Variants in GPX3 observed in about 807,000 individuals in gnomAD.
The protein encoded by GPX3 is GPx-3.
A neutral mutation model predicts 25.1 loss-of-function variants in GPX3; 22 were observed. The observed-to-expected ratio is 0.88, with a 90% CI of 0.63 to 1.25. GPX3 has a LOEUF of 1.25. Among genes scored for constraint, GPX3 ranks in the 50% most tolerant of loss-of-function variants. The pLI is 0.00. For synonymous variants in GPX3, 110 were observed against 114.5 expected, an observed-to-expected ratio of 0.96 and a Z score of 0.25; for missense variants, 278 against 286.6, an observed-to-expected ratio of 0.97 and a Z score of 0.22.
Position 151,027,966 on chromosome 5 carries a change from C to T in GPX3, c.517C>T (p.Pro173Ser), listed in dbSNP as rs184186742. 1.2e-4 allele frequency: 188 copies of T among 1,614,212 alleles called. No individual in the cohort carries two copies. Among genetic ancestry groups the T allele is most frequent in the Non-Finnish European group, 2.7e-5 (32 of 1,180,028 alleles). The change falls in exon 5 of 5, where the codon CCC becomes TCC. Residue 173 changes from proline to serine, a missense_variant. By Grantham distance (74) the Pro-to-Ser change is moderately conservative (BLOSUM62 -1). Coordinates refer to ENST00000388825, the MANE Select transcript of GPX3 (RefSeq NM_002084.5). ...TACATCTGACCGCCTCTTCTGGGAACCCATGAAGGTTCACGACATCCGCTG... is the reference window on the plus strand; with the variant it reads ...TACATCTGACCGCCTCTTCTGGGAATCCATGAAGGTTCACGACATCCGCTG... ...LGTSDRLFWE[P>S]MKVHDIRWNF...
chr5:151,021,007 G>A, intron 1 of GPX3: 3 of 486,078 alleles, frequency 6.2e-6, no homozygotes, highest in Non-Finnish European at 1.1e-5. Context: ...CTCTCTCCCC[G>A]AGCTCGCACT....
chr5:151,025,653 A>C (rs1462299627), intron 2 of GPX3, among the ~76,000 whole-genome samples, 160 bp downstream of exon 2: 1 of 152,210 alleles, frequency 6.6e-6, no homozygotes, highest in South Asian at 2.1e-4. Flanking sequence ...GAAGATGATT[A>C]TATAAGCCTG....
At chr5:151,020,803 C>A in intron 1 of GPX3, 62 bp downstream of exon 1, 1 of 1,402,360 alleles carries the variant, frequency 7.1e-7, no homozygotes, top group Non-Finnish European at 1.0e-6. Context: ...GTCCAGCGCT[C>A]AGTGCAATGC....
rs762988524 is a variant in GPX3, at chr5:151,028,160, T to C, written c.*30T>C. The C allele has an allele frequency of 4.6e-6, 7 of 1,531,940 alleles. No homozygotes were observed. Among genetic ancestry groups the C allele is most frequent in the Admixed American group, 2.0e-5 (1 of 51,038 alleles). 94.9% of individuals were successfully genotyped at this position (1,531,940 alleles called of 1,614,324 possible). A position where few individuals can be genotyped will look rare whatever the true frequency, so the allele number is the denominator to read the frequency against. Reference sequence around the variant, plus strand: ...AGGCCGTCTCATCCCATGTCCACCATGTAGGGGAGGGACTTTGTTCAGGAA... The same window carrying C: ...AGGCCGTCTCATCCCATGTCCACCACGTAGGGGAGGGACTTTGTTCAGGAA... On this transcript the variant is annotated 3_prime_UTR_variant, in exon 5 of 5. Coordinates refer to ENST00000388825, the MANE Select transcript of GPX3 (RefSeq NM_002084.5).
At position 151,020,636 on chromosome 5, in the gene GPX3, A is replaced by G. The variant is rs953006098; in HGVS notation, c.-19A>G. 1.3e-6 allele frequency: 2 copies of G among 1,598,000 alleles called. No individual in the cohort carries two copies. Among genetic ancestry groups the G allele is most frequent in the Non-Finnish European group, 1.7e-6 (2 of 1,173,372 alleles). On this transcript the variant is annotated 5_prime_UTR_variant, in exon 1 of 5. Transcript: ENST00000388825. ...TCAGGCAGCGGCTCAGGCGACCCTG[A>G]GTGTGCCCCCACCCCGCCATGGCCC...
In GPX3 at chr5:151,028,499, A is replaced by C. The variant is rs749059886; in HGVS notation, c.*369A>C. 4.0e-6 allele frequency: 1 copy of C among 248,362 alleles called. No individual in the cohort carries two copies. The highest frequency in any genetic ancestry group is 8.1e-6 in the Non-Finnish European group (1 of 123,620). 15.4% of individuals were successfully genotyped at this position (248,362 alleles called of 1,614,324 possible). A position where few individuals can be genotyped will look rare whatever the true frequency, so the allele number is the denominator to read the frequency against. On this transcript the variant is annotated 3_prime_UTR_variant, in exon 5 of 5. Transcript: ENST00000388825. ...ACTCCAATGATAATAGTTCACTTAC[A>C]CCTAAACCCAAAGGAAAAACCAGCT...
In GPX3 at chr5:151,027,924, AC is replaced by A; in HGVS notation, c.477del (p.Ser160ArgfsTer?). On this transcript the variant is annotated frameshift_variant, in exon 5 of 5. Transcript: ENST00000388825. LOFTEE classifies it high-confidence loss of function. ...CCTGCTCTAGAACTCCTGTCCTCCC[AC>A]CTCGGAGCTCCTGGGTACATCTGAC... ...YTFLKNSCPP[T>X]SELLGTSDRL... 1 of 1,614,046 alleles carries A rather than the reference AC, an allele frequency of 6.2e-7. No homozygotes were observed. Among genetic ancestry groups the A allele is most frequent in the Non-Finnish European group, 8.5e-7 (1 of 1,179,978 alleles).
At position 151,020,665 on chromosome 5, in the gene GPX3, T is replaced by G. The variant is rs775791251; in HGVS notation, c.11T>G (p.Leu4Arg). The G allele has an allele frequency of 1.2e-6, 2 of 1,609,482 alleles. No homozygotes were observed. Among genetic ancestry groups the G allele is most frequent in the East Asian group, 4.5e-5 (2 of 44,786 alleles). The change falls in exon 1 of 5, where the codon CTG becomes CGG. Residue 4 changes from leucine (L) to arginine (R), a missense_variant. Leu to Arg is a moderately radical substitution (Grantham distance 102). Coordinates refer to ENST00000388825, the MANE Select transcript of GPX3 (RefSeq NM_002084.5). Reference protein sequence around the residue: MARLLQASCLLSLL... With the variant: MARRLQASCLLSLL... ...TGCCCCCACCCCGCCATGGCCCGGC[T>G]GCTGCAGGCGTCCTGCCTGCTTTCC...
At chr5:151,023,137 G>C (rs1363473843) in intron 1 of GPX3, among the ~76,000 whole-genome samples, 2 of 152,102 alleles carry the variant, frequency 1.3e-5, no homozygotes, top group Admixed American at 6.5e-5. Flanking sequence ...GAGGATTCAG[G>C]CACCCTCATG....
chr5:151,025,891 G>C (rs2113146814), intron 2 of GPX3, among the ~76,000 whole-genome samples: 1 of 152,306 alleles, frequency 6.6e-6, no homozygotes. Context: ...CTGGAAAGCA[G>C]GCAATTGCCT....
intron 2 of GPX3, among the ~76,000 whole-genome samples, chr5:151,025,918 ATGCGTGG>A (rs1282608904): frequency 6.6e-6 from 1 of 152,168 alleles, no homozygotes; most frequent in Non-Finnish European, 1.5e-5. Context: ...CCCAGAGTGT[ATGCGTGG>A]TGTAGCGGGA....
In GPX3 at chr5:151,023,315, G is replaced by T. The variant is rs191555915; in HGVS notation, c.88-2025G>T. Among the ~76,000 whole-genome samples the T allele has an allele frequency of 3.9e-5, 6 of 152,250 alleles. No homozygotes were observed. In the South Asian group the frequency reaches 1.2e-3, roughly 32 times the overall value. On this transcript the variant is annotated intron_variant, in intron 1 of 4. Transcript: ENST00000388825. ...CACCTTCTGACCCCCACTATCCCTT[G>T]ACATGAGATTTCGTTCCAAGAGACT...
Position 151,028,227 on chromosome 5 carries a change from C to T in GPX3, c.*97C>T, listed in dbSNP as rs150488167. The stretch of plus-strand genomic sequence containing the variant: ...ACCACACTATCTACCCATCACAGAC[C>T]CCTTTCCTATCACTCAAGGCCCCAG... On this transcript the variant is annotated 3_prime_UTR_variant, in exon 5 of 5. Transcript: ENST00000388825. The T allele has an allele frequency of 2.0e-4, 219 of 1,086,608 alleles. 3 individuals are homozygous for T. The East Asian group carries it at 5.6e-3, about 28-fold the overall frequency. 67.3% of individuals were successfully genotyped at this position (1,086,608 alleles called of 1,614,324 possible).
At chr5:151,027,629 T>C in intron 4 of GPX3, 98 bp downstream of exon 4, 1 of 806,976 alleles carries the variant, frequency 1.2e-6, no homozygotes, top group Non-Finnish European at 2.1e-6. Flanking sequence ...TCCTGGGCTC[T>C]TGGGGAATTT....
rs1756461428 is a variant in GPX3 at position 151,020,757 on chromosome 5, G to A, written c.87+16G>A. ...GAAGTCGAAGGTGAGTGAGCCTCCGGGCCGGGGGCCGGGAGAAAAAACCTA... is the reference window on the plus strand; with the variant it reads ...GAAGTCGAAGGTGAGTGAGCCTCCGAGCCGGGGGCCGGGAGAAAAAACCTA... On this transcript the variant is annotated intron_variant, in intron 1 of 4. Coordinates refer to ENST00000388825, the MANE Select transcript of GPX3 (RefSeq NM_002084.5). 4 of 1,606,892 alleles carry A rather than the reference G, an allele frequency of 2.5e-6. No individual in the cohort carries two copies. In the East Asian group the frequency reaches 8.9e-5, roughly 36 times the overall value.
chr5:151,027,626 C>T, intron 4 of GPX3, 95 bp downstream of exon 4: 1 of 817,802 alleles, frequency 1.2e-6, no homozygotes, highest in African/African-American at 1.7e-5. Context: ...TGCTCCTGGG[C>T]TCTTGGGGAA....
At chr5:151,022,519 A>G (rs1756491969) in intron 1 of GPX3, among the ~76,000 whole-genome samples, 1 of 152,160 alleles carries the variant, frequency 6.6e-6, no homozygotes, top group African/African-American at 2.4e-5. Context: ...TTAGGACCCA[A>G]CCACTCACCT....
chr5:151,024,880 T>C (rs980828763), intron 1 of GPX3, among the ~76,000 whole-genome samples: 4 of 152,140 alleles, frequency 2.6e-5, no homozygotes, highest in African/African-American at 9.7e-5. Flanking sequence ...CAGGTTCTCA[T>C]CCTCAATTGC....
rs758219351 is a variant in GPX3 at position 151,027,914 on chromosome 5, C to T, written c.465C>T (p.Ser155=). The part of the protein sequence containing the change: ...EQKFYTFLKN[S]CPPTSELLGT... ...TCCTCTTATCCCTGCTCTAGAACTC[C>T]TGTCCTCCCACCTCGGAGCTCCTGG... Residue 155 remains serine, a synonymous_variant, in exon 5 of 5, where the codon TCC becomes TCT. Coordinates refer to ENST00000388825, the MANE Select transcript of GPX3 (RefSeq NM_002084.5). 1.9e-6 allele frequency: 3 copies of T among 1,614,026 alleles called. No homozygotes were observed. Among genetic ancestry groups the T allele is most frequent in the East Asian group, 4.5e-5 (2 of 44,872 alleles).
Sources: allele counts gnomAD v4.1 joint callset (sites outside exome capture counted in the v4.1 genomes callset), GRCh38; gene constraint gnomAD v4.1.1; transcripts MANE v1.5; gene names NCBI Gene and HGNC (gene_info 2026-07-23, HGNC 2026-07-21).